The following CACHD1 variants were observed in gnomAD, a reference collection of about 807,000 sequenced individuals.
CACHD1 encodes VWFA and cache domain-containing protein 1.
In CACHD1, 71 loss-of-function variants were observed where a neutral mutation model predicts 138.7. That is an observed-to-expected ratio of 0.51 (90% confidence interval 0.42 to 0.62). The LOEUF (loss-of-function observed/expected upper bound fraction) is 0.62. Among genes scored for constraint, CACHD1 ranks in the 20% least tolerant of loss-of-function variants. The pLI is 0.00. For missense variants in CACHD1, 1,389 were observed against 1,625.3 expected (o/e 0.85, Z 2.50); for synonymous variants, 578 against 591.5 (o/e 0.98, Z 0.33).
intron 3 of CACHD1, among the ~76,000 whole-genome samples, chr1:64,583,775 G>T (rs1477864958): frequency 1.3e-5 from 2 of 152,172 alleles, no homozygotes; most frequent in African/African-American, 2.4e-5. Context: ...TGGCAGGAAA[G>T]AGTGTGTACA....
chr1:64,648,275 A>G (rs2100673839), intron 9 of CACHD1, among the ~76,000 whole-genome samples: 1 of 152,318 alleles, frequency 6.6e-6, no homozygotes, highest in Admixed American at 6.5e-5. Context: ...AAGTTTGTGA[A>G]TTAGAACTAA....
chr1:64,520,040 G>A (rs1347091202), intron 1 of CACHD1, among the ~76,000 whole-genome samples: 1 of 152,162 alleles, frequency 6.6e-6, no homozygotes, highest in Admixed American at 6.5e-5. Context: ...AGTCCCAGCT[G>A]TCTTCTTTTA....
intron 23 of CACHD1, 116 bp from the exon 24 acceptor site, chr1:64,679,479 C>A (rs906157022): frequency 9.1e-7 from 1 of 1,104,958 alleles, no homozygotes; most frequent in South Asian, 1.5e-5. Context: ...AACTAAGCAT[C>A]TGTTTATCTT....
At position 64,568,412 on chromosome 1, in the gene CACHD1, G is replaced by C. The variant is rs1646900436; in HGVS notation, c.262-13744G>C. On this transcript the variant is annotated intron_variant, in intron 2 of 26. Coordinates refer to ENST00000651257, the MANE Select transcript of CACHD1 (RefSeq NM_020925.4). The stretch of plus-strand genomic sequence containing the variant: ...TATAGCAACCCTTAGATACCTCTCA[G>C]AACTCCCGGATCTCTCTTCCCATAT... Among the ~76,000 whole-genome samples, 4 of 152,050 alleles carry C rather than the reference G, an allele frequency of 2.6e-5. No individual in the cohort carries two copies. The South Asian group carries it at 8.3e-4, about 32-fold the overall frequency.
intron 1 of CACHD1, among the ~76,000 whole-genome samples, chr1:64,522,236 C>A (rs747682591): frequency 1.3e-5 from 2 of 152,138 alleles, no homozygotes; most frequent in African/African-American, 2.4e-5. Flanking sequence ...GGTTTTGGCA[C>A]CCTTCAAGAC....
At chr1:64,611,386 C>G (rs1311865099) in intron 4 of CACHD1, among the ~76,000 whole-genome samples, 1 of 152,162 alleles carries the variant, frequency 6.6e-6, no homozygotes, top group Non-Finnish European at 1.5e-5. Context: ...TGCTCTGCTT[C>G]CCTTTTAAAT....
intron 7 of CACHD1, among the ~76,000 whole-genome samples, chr1:64,634,559 T>C (rs1162769811): frequency 6.6e-6 from 1 of 151,912 alleles, no homozygotes; most frequent in Non-Finnish European, 1.5e-5. Flanking sequence ...AATTTTTATA[T>C]TTTTGGTAAA....
intron 2 of CACHD1, among the ~76,000 whole-genome samples, chr1:64,554,588 T>C (rs1197540413): frequency 6.6e-6 from 1 of 152,240 alleles, no homozygotes; most frequent in African/African-American, 2.4e-5. Context: ...GAGTTTCATT[T>C]GCCTCGCTCT....
chr1:64,637,829 T>C (rs1648576233), intron 7 of CACHD1, among the ~76,000 whole-genome samples: 1 of 152,210 alleles, frequency 6.6e-6, no homozygotes, highest in Non-Finnish European at 1.5e-5. Flanking sequence ...GAATGAGCGT[T>C]GTCCAGTTTA....
intron 1 of CACHD1, among the ~76,000 whole-genome samples, chr1:64,520,335 A>G (rs1646489300): frequency 6.6e-6 from 1 of 152,212 alleles, no homozygotes; most frequent in South Asian, 2.1e-4. Flanking sequence ...CAAAGAAGCC[A>G]TTCGTCTCAC....
intron 1 of CACHD1, among the ~76,000 whole-genome samples, chr1:64,502,441 A>G (rs1362865761): frequency 6.6e-6 from 1 of 152,116 alleles, no homozygotes; most frequent in Non-Finnish European, 1.5e-5. Flanking sequence ...ATTATTACTG[A>G]ATTCCAGCCA....
At chr1:64,495,764 C>T (rs1192102716) in intron 1 of CACHD1, among the ~76,000 whole-genome samples, 1 of 151,844 alleles carries the variant, frequency 6.6e-6, no homozygotes, top group Non-Finnish European at 1.5e-5. Flanking sequence ...CACCAAAGTC[C>T]TCAAATTTCT....
At chr1:64,571,163 A>G (rs1646924803) in intron 2 of CACHD1, among the ~76,000 whole-genome samples, 1 of 152,184 alleles carries the variant, frequency 6.6e-6, no homozygotes, top group East Asian at 1.9e-4. Context: ...AGACTCAGGT[A>G]ATGTGGATAC....
At chr1:64,474,334 C>T (rs1429225412) in intron 1 of CACHD1, among the ~76,000 whole-genome samples, 1 of 152,134 alleles carries the variant, frequency 6.6e-6, no homozygotes, top group Non-Finnish European at 1.5e-5. Flanking sequence ...TATCAAGCAG[C>T]ATCGTGGAGT....
chr1:64,582,348 A>G (rs1490020780), intron 3 of CACHD1, 44 bp downstream of exon 3: 1 of 1,534,570 alleles, frequency 6.5e-7, no homozygotes, highest in Non-Finnish European at 9.0e-7. Context: ...CCAGACATTG[A>G]ATTGCTTATA....
At chr1:64,638,263 C>T (rs10889494) in intron 7 of CACHD1, among the ~76,000 whole-genome samples, 123,154 of 152,118 alleles carry the variant, frequency 0.81, 50,639 homozygotes, top group Non-Finnish European at 0.87. Context: ...TATTTAATGT[C>T]TACTGTATAT....
chr1:64,642,398 C>A (rs1373896099), intron 8 of CACHD1, among the ~76,000 whole-genome samples: 2 of 152,192 alleles, frequency 1.3e-5, no homozygotes, highest in Non-Finnish European at 2.9e-5. Context: ...CCACCTGAAG[C>A]CTCTTCTGCC....
At chr1:64,471,198 G>GC (rs879395449) in intron 1 of CACHD1, among the ~76,000 whole-genome samples, 114 of 152,254 alleles carry the variant, frequency 7.5e-4, no homozygotes, top group Middle Eastern at 3.4e-3. Flanking sequence ...ACCCTGCACA[G>GC]CCCCCCTCTT....
intron 4 of CACHD1, among the ~76,000 whole-genome samples, chr1:64,622,041 T>C (rs1425770695): frequency 6.6e-6 from 1 of 152,186 alleles, no homozygotes; most frequent in Non-Finnish European, 1.5e-5. Flanking sequence ...GTCTTTTTTC[T>C]AGTTGATAAG....
Sources: allele counts gnomAD v4.1 joint callset (sites outside exome capture counted in the v4.1 genomes callset), GRCh38; gene constraint gnomAD v4.1.1; transcripts MANE v1.5; gene names NCBI Gene and HGNC (gene_info 2026-07-23, HGNC 2026-07-21).